The following ADAMTSL1 variants were observed in gnomAD, a reference collection of about 807,000 sequenced individuals.
ADAMTSL1 encodes the protein ADAMTS-like protein 1.
Under a neutral mutation model 201.8 loss-of-function variants are expected in ADAMTSL1, and 126 were observed. That is an observed-to-expected ratio of 0.62 (90% CI 0.54 to 0.72). ADAMTSL1 has a LOEUF of 0.72. Among genes scored for constraint, ADAMTSL1 ranks in the 30% least tolerant of loss-of-function variants. The pLI, the probability that ADAMTSL1 is intolerant of heterozygous loss-of-function variation, is 0.00. For missense variants in ADAMTSL1, 2,679 were observed against 2,277.8 expected (o/e 1.18, Z -3.59); for synonymous variants, 1,121 against 903.4 (o/e 1.24, Z -4.32).
chr9:18,353,508 G>A (rs1836069606), intron 2 of ADAMTSL1, among the ~76,000 whole-genome samples: 1 of 152,122 alleles, frequency 6.6e-6, no homozygotes, highest in South Asian at 2.1e-4. Flanking sequence ...CACAGGTTAG[G>A]GTGAACATGG....
At chr9:18,785,224 A>G (rs1821634475) in intron 19 of ADAMTSL1, among the ~76,000 whole-genome samples, 2 of 151,912 alleles carry the variant, frequency 1.3e-5, no homozygotes, top group South Asian at 4.2e-4. Flanking sequence ...TTTTGGAACT[A>G]TTTCTTTTTA....
chr9:18,432,778 G>C (rs897519596), intron 2 of ADAMTSL1, among the ~76,000 whole-genome samples: 5 of 152,152 alleles, frequency 3.3e-5, no homozygotes, highest in African/African-American at 1.2e-4. Context: ...CAACATATGT[G>C]AAGATAGTTT....
chr9:18,717,888 G>T, intron 14 of ADAMTSL1: 1 of 914,608 alleles, frequency 1.1e-6, no homozygotes, highest in Non-Finnish European at 1.8e-6. Flanking sequence ...GATGCTGGTA[G>T]GTTTAACAAA....
At chr9:17,973,044 A>G (rs1366057002) in intron 1 of ADAMTSL1, among the ~76,000 whole-genome samples, 51 of 24,440 alleles carry the variant, frequency 2.1e-3, no homozygotes, top group Admixed American at 0.018. Flanking sequence ...GTTTGAGTTC[A>G]TTGTAGATTC....
At chr9:18,403,404 G>A (rs980390410) in intron 2 of ADAMTSL1, among the ~76,000 whole-genome samples, 6 of 151,938 alleles carry the variant, frequency 3.9e-5, no homozygotes, top group Admixed American at 6.6e-5. Context: ...GCCTGGTCTC[G>A]AACTCTTGAC....
At chr9:18,720,143 A>C (rs568549908) in intron 14 of ADAMTSL1, among the ~76,000 whole-genome samples, 2 of 152,166 alleles carry the variant, frequency 1.3e-5, no homozygotes, top group Non-Finnish European at 2.9e-5. Flanking sequence ...ACAAATGTCT[A>C]GGTTATTCCT....
chr9:18,667,093 T>C (rs1483704478), intron 9 of ADAMTSL1, among the ~76,000 whole-genome samples: 2 of 152,064 alleles, frequency 1.3e-5, no homozygotes, highest in African/African-American at 2.4e-5. Context: ...CAAACAAATC[T>C]GTTTCTAGCT....
At chr9:18,226,693 A>C (rs1245711414) in intron 2 of ADAMTSL1, among the ~76,000 whole-genome samples, 1 of 151,884 alleles carries the variant, frequency 6.6e-6, no homozygotes, top group African/African-American at 2.4e-5. Context: ...GTCTTTTCAG[A>C]TTTGTTCCCT....
chr9:18,774,380 T>G (rs573310522), intron 17 of ADAMTSL1, among the ~76,000 whole-genome samples: 2 of 152,248 alleles, frequency 1.3e-5, no homozygotes, highest in South Asian at 4.2e-4. Flanking sequence ...TCTGTCAAAC[T>G]GTTCTGTCCC....
chr9:17,940,508 C>G (rs973961254), intron 1 of ADAMTSL1, among the ~76,000 whole-genome samples: 28 of 151,658 alleles, frequency 1.8e-4, no homozygotes, highest in African/African-American at 6.5e-4. Context: ...GGAAGAAAAA[C>G]CAATTTAGGG....
At chr9:18,907,456 T>G (rs978879982) in intron 28 of ADAMTSL1, 2 of 151,160 alleles carry the variant, frequency 1.3e-5, no homozygotes, top group African/African-American at 4.9e-5. Flanking sequence ...CACTCCTTCC[T>G]CGTCATCCCA....
intron 15 of ADAMTSL1, among the ~76,000 whole-genome samples, chr9:18,728,340 A>C (rs1404275934): frequency 6.6e-6 from 1 of 152,180 alleles, no homozygotes; most frequent in African/African-American, 2.4e-5. Context: ...GTGATCGGAC[A>C]GCACTTTAGA....
intron 1 of ADAMTSL1, among the ~76,000 whole-genome samples, chr9:18,152,734 A>T (rs1440504218): frequency 6.6e-6 from 1 of 151,926 alleles, no homozygotes; most frequent in Non-Finnish European, 1.5e-5. Flanking sequence ...GAGAGAGTGG[A>T]GTAGTGATGA....
chr9:18,229,607 A>G (rs1830567338), intron 2 of ADAMTSL1, among the ~76,000 whole-genome samples: 1 of 152,160 alleles, frequency 6.6e-6, no homozygotes, highest in Non-Finnish European at 1.5e-5. Context: ...CACTGAAAAA[A>G]ATTAGACTTA....
chr9:18,533,433 A>G (rs964002910), intron 3 of ADAMTSL1, 141 bp downstream of exon 3: 16 of 504,460 alleles, frequency 3.2e-5, no homozygotes, highest in Non-Finnish European at 5.3e-5. Context: ...GATTATATGC[A>G]GGACTAAAAT....
rs749267542 is a variant in ADAMTSL1, at chr9:18,662,015, G to C, written c.1027G>C (p.Glu343Gln). ...TGACCAATACTGTCACTATTACCCAGAGAACATCAAACCCAAACCCAAGCT... is the reference window on the plus strand; with the variant it reads ...TGACCAATACTGTCACTATTACCCACAGAACATCAAACCCAAACCCAAGCT... ...VADQYCHYYP[E>Q]NIKPKPKLQE... The change falls in exon 9 of 29, where the codon GAG (glutamate) becomes CAG (glutamine). Residue 343 changes from glutamate to glutamine, a missense_variant. Transcript: ENST00000380548. 42 of 1,613,958 alleles carry C rather than the reference G, an allele frequency of 2.6e-5. 1 individual carries two copies. In the South Asian group the frequency reaches 4.6e-4, roughly 18 times the overall value.
chr9:18,745,453 A>T (rs1227907155), intron 15 of ADAMTSL1, among the ~76,000 whole-genome samples: 1 of 152,102 alleles, frequency 6.6e-6, no homozygotes, highest in Non-Finnish European at 1.5e-5. Flanking sequence ...AGCACTTCTC[A>T]ATTTTCTGGT....
chr9:18,723,413 T>C (rs904107521), intron 15 of ADAMTSL1: 6 of 363,022 alleles, frequency 1.7e-5, no homozygotes, highest in African/African-American at 1.2e-4. Flanking sequence ...TGCTTAAAAC[T>C]GCTGGGACTC....
rs1832564797 is a variant in ADAMTSL1, at chr9:18,711,174, A to T, written c.1876+4126A>T. On this transcript the variant is annotated intron_variant, in intron 14 of 28. Transcript: ENST00000380548. Reference sequence around the variant, plus strand: ...CTTGTTGTAGGCACCCACTGTATACATGACTATAAACATTGTTCCTTATGT... The same window carrying T: ...CTTGTTGTAGGCACCCACTGTATACTTGACTATAAACATTGTTCCTTATGT... Among the ~76,000 whole-genome samples, 2 of 152,258 alleles carry T rather than the reference A, an allele frequency of 1.3e-5. 1 individual carries two copies. Among genetic ancestry groups the T allele is most frequent in the South Asian group, 4.1e-4 (2 of 4,832 alleles).
Sources: gnomAD v4.1 joint callset for allele counts (sites outside exome capture counted in the v4.1 genomes callset) on GRCh38, gnomAD v4.1.1 for gene constraint, MANE v1.5 for transcripts, NCBI Gene and HGNC (gene_info 2026-07-23, HGNC 2026-07-21) for gene names.